GPHN: variants seen among roughly 807,000 people sequenced by gnomAD.
GPHN encodes the protein gephyrin.
A neutral mutation model predicts 95.5 loss-of-function variants in GPHN; 17 were observed. The observed-to-expected ratio is 0.18, with a 90% CI of 0.12 to 0.27. GPHN has a LOEUF of 0.27. Among genes scored for constraint, GPHN ranks in the 10% least tolerant of loss-of-function variants. GPHN has a pLI of 1.00. For missense variants in GPHN, 660 were observed against 978.1 expected (o/e 0.67, Z 4.34); for synonymous variants, 320 against 322.5 (o/e 0.99, Z 0.08).
chr14:67,658,411 G>C, the GPHN span, among the ~76,000 whole-genome samples: 1 of 151,906 alleles, frequency 6.6e-6, no homozygotes, highest in African/African-American at 2.4e-5. Context: ...TGGCTAACAC[G>C]GTGAAACCCC....
At chr14:67,651,462 G>A in the GPHN span, 1 of 1,613,872 alleles carries the variant, frequency 6.2e-7, no homozygotes, top group Non-Finnish European at 8.5e-7. Flanking sequence ...ATGGAAAGCA[G>A]CAGCTTGTTG....
In GPHN at chr14:66,588,498, T is replaced by G. The variant is rs146780142; in HGVS notation, c.64+79907T>G. 7.9e-3 allele frequency among the ~76,000 whole-genome samples: 1,195 copies of G among 151,830 alleles called. 8 individuals are homozygous for G. The highest frequency in any genetic ancestry group is 0.028 in the African/African-American group (1,140 of 41,414). ...AGAAGCTAAGAACCTTGAAAAAAAG[T>G]TAGATGAATTGCTAACTAGAGTAAC... On this transcript the variant is annotated intron_variant, in intron 1 of 22. Transcript: ENST00000478722.
intron 4 of GPHN, among the ~76,000 whole-genome samples, chr14:66,829,141 G>A (rs914536474): frequency 1.4e-5 from 2 of 138,608 alleles, no homozygotes; most frequent in Non-Finnish European, 3.0e-5. Flanking sequence ...AGGCTGGAGT[G>A]CAGTGGCATG....
intron 9 of GPHN, among the ~76,000 whole-genome samples, chr14:66,983,579 T>C (rs1031319885): frequency 1.3e-5 from 2 of 152,236 alleles, no homozygotes; most frequent in Non-Finnish European, 2.9e-5. Flanking sequence ...TTCTAAGGTT[T>C]TCCTCTTATG....
At chr14:67,625,984 C>T in the GPHN span, among the ~76,000 whole-genome samples, 10 of 151,902 alleles carry the variant, frequency 6.6e-5, no homozygotes, top group East Asian at 1.6e-3. Context: ...CCGGGTGTGG[C>T]GGCTTACACC....
At chr14:67,674,359 C>A in the GPHN span, 2 of 1,573,820 alleles carry the variant, frequency 1.3e-6, no homozygotes, top group South Asian at 2.3e-5. Flanking sequence ...CACGGCGTGG[C>A]CCACCCCCGC....
At chr14:67,151,669 T>C (rs1181673459) in intron 18 of GPHN, among the ~76,000 whole-genome samples, 1 of 152,106 alleles carries the variant, frequency 6.6e-6, no homozygotes, top group East Asian at 1.9e-4. Context: ...TTTGAGACAG[T>C]GTCTTGCTCT....
chr14:66,666,522 G>A (rs1429302708), intron 1 of GPHN, among the ~76,000 whole-genome samples: 3 of 151,796 alleles, frequency 2.0e-5, no homozygotes, highest in South Asian at 2.1e-4. Context: ...CAGAACTAAA[G>A]ACCAAAACCA....
At chr14:67,467,152 G>A in the GPHN span, 3 of 152,094 alleles carry the variant, frequency 2.0e-5, no homozygotes, top group African/African-American at 7.2e-5. Context: ...CTTTTCTGGA[G>A]GATTGGTCAA....
chr14:67,071,487 A>G (rs1274198), intron 11 of GPHN, among the ~76,000 whole-genome samples: 147,960 of 150,160 alleles, frequency 0.99, 72,921 homozygotes, highest in Middle Eastern at 1. Flanking sequence ...CTGTTATGGG[A>G]TGGGGGGAGT....
intron 3 of GPHN, among the ~76,000 whole-genome samples, chr14:66,791,333 G>C (rs1163447925): frequency 1.3e-5 from 2 of 152,102 alleles, no homozygotes; most frequent in Admixed American, 1.3e-4. Context: ...CCCAAGAGAG[G>C]GTTCTTGAAC....
chr14:67,080,732 A>G (rs1236110164), intron 11 of GPHN, among the ~76,000 whole-genome samples: 3 of 152,052 alleles, frequency 2.0e-5, no homozygotes, highest in Non-Finnish European at 2.9e-5. Flanking sequence ...ACTGTACCCA[A>G]TTTGTATTCT....
At chr14:67,146,850 A>G (rs980470321) in intron 18 of GPHN, among the ~76,000 whole-genome samples, 13 of 152,290 alleles carry the variant, frequency 8.5e-5, no homozygotes, top group South Asian at 4.1e-4. Context: ...CCTGGCCAAC[A>G]TGGCAAAACC....
At chr14:66,677,173 T>C (rs187413174) in intron 1 of GPHN, among the ~76,000 whole-genome samples, 1 of 152,220 alleles carries the variant, frequency 6.6e-6, no homozygotes, top group East Asian at 1.9e-4. Context: ...TGAGTCTTCC[T>C]TTTTTCTTGA....
At chr14:66,614,768 G>C (rs2062932604) in intron 1 of GPHN, among the ~76,000 whole-genome samples, 1 of 151,812 alleles carries the variant, frequency 6.6e-6, no homozygotes. Flanking sequence ...GTAAAAAAAT[G>C]GGATACATAT....
chr14:66,559,005 G>A (rs959375245), intron 1 of GPHN, among the ~76,000 whole-genome samples: 1 of 150,138 alleles, frequency 6.7e-6, no homozygotes, highest in African/African-American at 2.5e-5. Context: ...TTTTGTCCTT[G>A]CGATAGTTTA....
chr14:67,419,351 G>A, the GPHN span, among the ~76,000 whole-genome samples: 3 of 152,088 alleles, frequency 2.0e-5, no homozygotes, highest in Non-Finnish European at 2.9e-5. Flanking sequence ...AGGCCTCAGG[G>A]GCTCCCACCT....
At chr14:67,285,685 T>TG in the GPHN span, among the ~76,000 whole-genome samples, 1 of 152,124 alleles carries the variant, frequency 6.6e-6, no homozygotes, top group Admixed American at 6.5e-5. Flanking sequence ...GTAATTTTAA[T>TG]GTTTACCCTT....
chr14:66,529,023 G>A (rs2058805130), intron 1 of GPHN, among the ~76,000 whole-genome samples: 1 of 152,166 alleles, frequency 6.6e-6, no homozygotes, highest in Non-Finnish European at 1.5e-5. Flanking sequence ...TTGCTAGGTT[G>A]AGGAAGTTCT....
Sources: allele counts gnomAD v4.1 joint callset (sites outside exome capture counted in the v4.1 genomes callset), GRCh38; gene constraint gnomAD v4.1.1; transcripts MANE v1.5; gene names NCBI Gene and HGNC (gene_info 2026-07-23, HGNC 2026-07-21).